Variants in USP40 observed in about 807,000 individuals in gnomAD.
The protein encoded by USP40 is ubiquitin carboxyl-terminal hydrolase 40.
USP40 carries 143 observed loss-of-function variants against 166.2 expected under a neutral mutation model. The observed-to-expected ratio is 0.86, with a 90% confidence interval of 0.75 to 0.99. USP40 has a LOEUF of 0.99. Among genes scored for constraint, USP40 ranks in the 50% least tolerant of loss-of-function variants. USP40 has a pLI of 0.00. For synonymous variants in USP40, 498 were observed against 524.0 expected (o/e 0.95, Z 0.68); for missense variants, 1,444 against 1,479.7 (o/e 0.98, Z 0.40).
chr2:233,516,001 C>T (rs941043041), intron 18 of USP40, among the ~76,000 whole-genome samples: 1 of 152,222 alleles, frequency 6.6e-6, no homozygotes, highest in Non-Finnish European at 1.5e-5. Context: ...GCACCTATTT[C>T]TAGATTCTCT....
chr2:233,500,543 C>G (rs560829181), intron 21 of USP40, among the ~76,000 whole-genome samples: 138 of 152,086 alleles, frequency 9.1e-4, no homozygotes, highest in African/African-American at 3.3e-3. Flanking sequence ...TTCTATTACA[C>G]TAGAGCAAAA....
intron 30 of USP40, among the ~76,000 whole-genome samples, chr2:233,485,036 C>T (rs1048689712): frequency 7.2e-5 from 11 of 152,078 alleles, no homozygotes; most frequent in East Asian, 1.9e-4. Flanking sequence ...CAGGTTAAGG[C>T]GTTTCCTTCT....
chr2:233,517,152 C>G (rs2067255894), intron 18 of USP40, among the ~76,000 whole-genome samples: 2 of 152,100 alleles, frequency 1.3e-5, no homozygotes, highest in Admixed American at 1.3e-4. Flanking sequence ...CATTAAGATA[C>G]TAATTCACAT....
chr2:233,517,379 G>GTTTTTTTTTTTTTTTTTTTT (rs202226925), intron 18 of USP40, among the ~76,000 whole-genome samples: 1 of 137,142 alleles, frequency 7.3e-6, no homozygotes, highest in Non-Finnish European at 1.5e-5. Context: ...CACATGCATG[G>GTTTTTTTTTTTTTTTTTTTT]TTTTTTGTTT....
intron 17 of USP40, among the ~76,000 whole-genome samples, chr2:233,519,952 A>G (rs2067541281): frequency 6.6e-6 from 1 of 152,190 alleles, no homozygotes; most frequent in Non-Finnish European, 1.5e-5. Flanking sequence ...CAGAAACTAA[A>G]GAAACTAGCT....
intron 21 of USP40, 33 bp downstream of exon 21, chr2:233,510,016 C>T (rs1335119125): frequency 1.3e-6 from 2 of 1,502,040 alleles, no homozygotes; most frequent in Non-Finnish European, 1.8e-6. Context: ...CAAACACACA[C>T]AGCCTCTGAA....
At chr2:233,566,112 A>G (rs1363784081) in intron 1 of USP40, among the ~76,000 whole-genome samples, 5 of 142,464 alleles carry the variant, frequency 3.5e-5, no homozygotes, top group South Asian at 2.5e-4. Context: ...AGAGCACTTT[A>G]GTACAGTCCC....
At chr2:233,561,447 G>A (rs1208150076) in intron 3 of USP40, among the ~76,000 whole-genome samples, 1 of 150,590 alleles carries the variant, frequency 6.6e-6, no homozygotes, top group Non-Finnish European at 1.5e-5. Context: ...TGACAAACCT[G>A]AGAAAAACAA....
At chr2:233,546,105 T>C (rs1002707809) in intron 8 of USP40, 1 of 152,222 alleles carries the variant, frequency 6.6e-6, no homozygotes, top group African/African-American at 2.4e-5. Flanking sequence ...GCTAAGGTGT[T>C]AGAGCTTCAA....
intron 8 of USP40, among the ~76,000 whole-genome samples, chr2:233,543,710 G>A (rs2069637866): frequency 1.3e-5 from 2 of 152,200 alleles, no homozygotes; most frequent in African/African-American, 2.4e-5. Flanking sequence ...AAATCTGCTG[G>A]TGCCTTAATC....
In USP40 at chr2:233,477,070, C is replaced by A; in HGVS notation, c.*322G>T. On this transcript the variant is annotated 3_prime_UTR_variant, in exon 32 of 32. Transcript: ENST00000678225. The stretch of plus-strand genomic sequence containing the variant: ...CGGCATGCCGCTGCCTCCATACCTG[C>A]GGTTCACGCACACGTTGTGCATTTT... 2.7e-6 allele frequency: 1 copy of A among 369,986 alleles called. No homozygotes were observed. The highest frequency in any genetic ancestry group is 5.2e-6 in the Non-Finnish European group (1 of 190,822). The allele number at this position is 369,986 out of a possible 1,614,324, so 22.9% of individuals were successfully genotyped here. A position where few individuals can be genotyped will look rare whatever the true frequency, so the allele number is the denominator to read the frequency against.
chr2:233,505,986 C>A (rs1161018195), intron 21 of USP40, among the ~76,000 whole-genome samples: 4 of 152,108 alleles, frequency 2.6e-5, no homozygotes, highest in African/African-American at 9.7e-5. Flanking sequence ...AAGTGGTATT[C>A]ATCCCAAGGA....
In USP40 at chr2:233,477,364, T is replaced by C. The variant is rs769471811; in HGVS notation, c.*28A>G. On this transcript the variant is annotated 3_prime_UTR_variant, in exon 32 of 32. Transcript: ENST00000678225. ...TTTGTGGCATCAGCCGGAGAGTTCA[T>C]CGGGAGTAGAGCCGTGCAGCGGCGC... is the stretch of plus-strand genomic sequence containing the variant. 6.2e-7 allele frequency: 1 copy of C among 1,605,030 alleles called. No homozygotes were observed. Among genetic ancestry groups the C allele is most frequent in the South Asian group, 1.1e-5 (1 of 90,518 alleles).
At position 233,491,195 on chromosome 2, in the gene USP40, T is replaced by C; in HGVS notation, c.2984A>G (p.Asp995Gly). Residue 995 changes from aspartate to glycine, a missense_variant, in exon 26 of 32, where the codon GAT (aspartate) becomes GGT (glycine). Asp to Gly is a moderately conservative substitution (Grantham distance 94, BLOSUM62 -1). Coordinates refer to ENST00000678225, the MANE Select transcript of USP40 (RefSeq NM_001365479.2). ...LYLGDIEISE[D>G]ATLAELKSQA... ...AGACTTCAGCTCCGCCAGCGTGGCA[T>C]CTTCTGAGATCTCTATGTCTCCCAA... 1.2e-6 allele frequency: 2 copies of C among 1,611,038 alleles called. No homozygotes were observed. Among genetic ancestry groups the C allele is most frequent in the Middle Eastern group, 1.7e-4 (1 of 6,060 alleles).
intron 9 of USP40, among the ~76,000 whole-genome samples, chr2:233,542,013 C>T (rs966896731): frequency 2.0e-5 from 3 of 152,092 alleles, no homozygotes; most frequent in Non-Finnish European, 4.4e-5. Context: ...CCTACTTATA[C>T]TTTTTATCTT....
Position 233,486,118 on chromosome 2 carries a change from G to A in USP40, c.3198-141C>T. The A allele has an allele frequency of 1.1e-6, 1 of 882,910 alleles. No homozygotes were observed. Among genetic ancestry groups the A allele is most frequent in the Middle Eastern group, 3.3e-4 (1 of 2,988 alleles). The allele number at this position is 882,910 out of a possible 1,614,324, so 54.7% of individuals were successfully genotyped here. A position where few individuals can be genotyped will look rare whatever the true frequency, so the allele number is the denominator to read the frequency against. On this transcript the variant is annotated intron_variant, in intron 28 of 31. Transcript: ENST00000678225. This position sits in a 1 kb window ranked among gnomAD's most constrained non-coding sequence, Gnocchi z 4.0. The stretch of plus-strand genomic sequence containing the variant: ...ATTTTTCCCTAAATGCTGGATGCTA[G>A]TGGCAAACTCTTATTCCGCATTTCA...
chr2:233,559,677 TA>T, intron 4 of USP40, 133 bp downstream of exon 4: 1 of 524,772 alleles, frequency 1.9e-6, no homozygotes, highest in Non-Finnish European at 3.2e-6. Flanking sequence ...TGTAATTTTT[TA>T]ATGTGAGAAG....
chr2:233,488,335 G>A (rs1219557713), intron 27 of USP40, 31 bp from the exon 28 acceptor site: 30 of 1,525,180 alleles, frequency 2.0e-5, no homozygotes, highest in Non-Finnish European at 2.5e-5. Context: ...ATAATATTGA[G>A]TGACATAACA....
At chr2:233,521,389 C>T (rs2067648049) in intron 16 of USP40, among the ~76,000 whole-genome samples, 1 of 152,190 alleles carries the variant, frequency 6.6e-6, no homozygotes. Flanking sequence ...CTTCTGCCTG[C>T]ACCCTGCAAA....
Sources: allele counts gnomAD v4.1 joint callset (sites outside exome capture counted in the v4.1 genomes callset), GRCh38; gene constraint gnomAD v4.1.1; non-coding constraint Gnocchi (gnomAD v3.1); transcripts MANE v1.5; gene names NCBI Gene and HGNC (gene_info 2026-07-23, HGNC 2026-07-21).